AOX1: variants seen among roughly 807,000 people sequenced by gnomAD.
AOX1 encodes aldehyde oxidase.
A neutral mutation model predicts 169.5 loss-of-function variants in AOX1; 153 were observed. The observed-to-expected ratio is 0.90, with a 90% confidence interval of 0.79 to 1.03. AOX1 has a LOEUF of 1.03. Ranked by LOEUF, AOX1 falls within the 50% of genes least tolerant of loss-of-function variation. The pLI is 0.00. For missense variants in AOX1, 1,656 were observed against 1,663.9 expected (o/e 1.00, Z 0.08); for synonymous variants, 562 against 581.9 (o/e 0.97, Z 0.49).
intron 16 of AOX1, among the ~76,000 whole-genome samples, chr2:200,617,197 A>T (rs1323131023): frequency 1.3e-5 from 2 of 151,226 alleles, no homozygotes; most frequent in African/African-American, 4.8e-5. Context: ...AAAGTTTTAG[A>T]TGCAATATGT....
chr2:200,666,815 A>G, intron 32 of AOX1, 63 bp downstream of exon 32: 1 of 1,155,758 alleles, frequency 8.7e-7, no homozygotes, highest in Non-Finnish European at 1.3e-6. Flanking sequence ...TGGGGTCTGC[A>G]GGAGAGCATT....
chr2:200,638,337 T>C (rs2035282968), intron 23 of AOX1, 35 bp downstream of exon 23: 2 of 1,589,290 alleles, frequency 1.3e-6, no homozygotes, highest in Admixed American at 1.7e-5. Context: ...AGGATTTATG[T>C]TGTAGATACA....
chr2:200,591,127 C>T (rs2034163328), intron 1 of AOX1, among the ~76,000 whole-genome samples: 1 of 152,208 alleles, frequency 6.6e-6, no homozygotes. Flanking sequence ...ATGTTCCAGT[C>T]ATTCATTTCA....
intron 2 of AOX1, 62 bp downstream of exon 2, chr2:200,593,265 C>G: frequency 7.9e-7 from 1 of 1,260,242 alleles, no homozygotes; most frequent in Non-Finnish European, 1.2e-6. Flanking sequence ...CCAATATCCT[C>G]ATTAAATGAT....
chr2:200,655,135 G>T (rs2035656716), intron 26 of AOX1, among the ~76,000 whole-genome samples: 1 of 152,204 alleles, frequency 6.6e-6, no homozygotes, highest in African/African-American at 2.4e-5. Flanking sequence ...GAAACAGATT[G>T]CATGGCTATG....
At chr2:200,660,384 A>G (rs1461612025) in intron 29 of AOX1, among the ~76,000 whole-genome samples, 2 of 152,220 alleles carry the variant, frequency 1.3e-5, no homozygotes, top group Admixed American at 6.5e-5. Context: ...ATAACTGTAC[A>G]TCTGTTTTTT....
At chr2:200,662,377 C>A (rs1301791757) in intron 30 of AOX1, among the ~76,000 whole-genome samples, 1 of 152,166 alleles carries the variant, frequency 6.6e-6, no homozygotes, top group Non-Finnish European at 1.5e-5. Context: ...AGGAACAGAG[C>A]AGGCCATGGA....
At chr2:200,644,904 A>G (rs762206025) in intron 25 of AOX1, among the ~76,000 whole-genome samples, 8 of 152,178 alleles carry the variant, frequency 5.3e-5, no homozygotes, top group Non-Finnish European at 1.0e-4. Context: ...TTGTATCCGG[A>G]AACTTTGCTG....
At chr2:200,650,849 A>G (rs2035564962) in intron 25 of AOX1, 125 bp from the exon 26 acceptor site, 2 of 745,966 alleles carry the variant, frequency 2.7e-6, no homozygotes, top group Non-Finnish European at 4.4e-6. Flanking sequence ...GGCTTCCACA[A>G]GGACTCAGTA....
intron 23 of AOX1, 22 bp downstream of exon 23, chr2:200,638,324 G>A: frequency 1.2e-6 from 2 of 1,606,848 alleles, no homozygotes; most frequent in Admixed American, 1.7e-5. Context: ...AGGGCATGGA[G>A]GAAGGATTTA....
chr2:200,667,752 CA>C (rs1377478697), intron 32 of AOX1, among the ~76,000 whole-genome samples: 1 of 148,038 alleles, frequency 6.8e-6, no homozygotes, highest in Non-Finnish European at 1.5e-5. Context: ...TGGGGACTGC[CA>C]GGGGTGGGTG....
chr2:200,643,656 C>T (rs1429745753), intron 25 of AOX1, among the ~76,000 whole-genome samples: 2 of 152,176 alleles, frequency 1.3e-5, no homozygotes, highest in Non-Finnish European at 2.9e-5. Context: ...AGTGGCTGTA[C>T]TAGTTTACAT....
At chr2:200,682,063 A>T (rs555478695), downstream of AOX1, among the ~76,000 whole-genome samples, 18 of 152,320 alleles carry the variant, frequency 1.2e-4, no homozygotes, top group East Asian at 3.5e-3. Context: ...AAAATGGCTT[A>T]AGACTTTAAA....
chr2:200,669,860 C>T lies in AOX1; in HGVS notation c.3966+118C>T, dbSNP rs114231338. 3.6e-3 allele frequency: 3,998 copies of T among 1,106,236 alleles called. 107 individuals carry two copies. The African/African-American group carries it at 0.055, about 15-fold the overall frequency. The allele number at this position is 1,106,236 out of a possible 1,614,324, so 68.5% of individuals were successfully genotyped here. On this transcript the variant is annotated intron_variant, in intron 34 of 34. Transcript: ENST00000374700. ...TGGCTTTTCTTGCCAGAAAAGGTGACGGGAAACCTGGGGGCATTTGAGCAG... is the reference window on the plus strand; with the variant it reads ...TGGCTTTTCTTGCCAGAAAAGGTGATGGGAAACCTGGGGGCATTTGAGCAG...
At chr2:200,648,447 A>G (rs1297711192) in intron 25 of AOX1, among the ~76,000 whole-genome samples, 9 of 152,188 alleles carry the variant, frequency 5.9e-5, no homozygotes, top group Non-Finnish European at 1.0e-4. Flanking sequence ...TGAACCGTCT[A>G]TGGGTCTCTC....
chr2:200,669,450 CAAAA>C, intron 33 of AOX1, 121 bp from the exon 34 acceptor site: 1 of 881,916 alleles, frequency 1.1e-6, no homozygotes, highest in Non-Finnish European at 1.6e-6. Flanking sequence ...GACTCTGTCT[CAAAA>C]AAAAAAAAAT....
rs747470738 is a variant in AOX1 at position 200,636,955 on chromosome 2, G to A, written c.2391G>A (p.Met797Ile). The stretch of plus-strand genomic sequence containing the variant: ...TGAAGCTCCCAGCTAACAAGGTCAT[G>A]TGCCATGTAAGGCGTGTTGGTGGAG... ...STLKLPANKV[M>I]CHVRRVGGAF... Residue 797 changes from methionine (M) to isoleucine (I), a missense_variant, in exon 22 of 35, where the codon ATG becomes ATA. Transcript: ENST00000374700. 2 of 1,614,032 alleles carry A rather than the reference G, an allele frequency of 1.2e-6. No homozygotes were observed. Among genetic ancestry groups the A allele is most frequent in the Non-Finnish European group, 1.7e-6 (2 of 1,180,008 alleles).
rs765302652 is a variant in AOX1 at position 200,608,996 on chromosome 2, G to A, written c.920G>A (p.Gly307Asp). The change falls in exon 11 of 35, where the codon GGT becomes GAT. Residue 307 changes from glycine to aspartate, a missense_variant. Gly to Asp is a moderately conservative substitution (Grantham distance 94, BLOSUM62 -1). Coordinates refer to ENST00000374700, the MANE Select transcript of AOX1 (RefSeq NM_001159.4). Reference sequence around the variant, plus strand: ...GACTTCATTTCAGGACTCACCCTTGGTGCTGGTCTCAGCCTAGCCCAGGTG... The same window carrying A: ...GACTTCATTTCAGGACTCACCCTTGATGCTGGTCTCAGCCTAGCCCAGGTG... ...VNHAYNGLTL[G>D]AGLSLAQVKD... 6.2e-7 allele frequency: 1 copy of A among 1,613,810 alleles called. No individual in the cohort carries two copies. Among genetic ancestry groups the A allele is most frequent in the Non-Finnish European group, 8.5e-7 (1 of 1,179,914 alleles).
chr2:200,670,819 G>A lies in AOX1; in HGVS notation c.*140G>A, dbSNP rs1021794857. On this transcript the variant is annotated 3_prime_UTR_variant, in exon 35 of 35. Transcript: ENST00000374700. ...CATCCCACAGTGTTGCTTTTCTATG[G>A]AGCTGATTTAAAGTATTCCATTTAG... 7.9e-6 allele frequency: 5 copies of A among 636,092 alleles called. No homozygotes were observed. The highest frequency in any genetic ancestry group is 2.8e-5 in the Admixed American group (1 of 35,380). The allele number at this position is 636,092 out of a possible 1,614,324, so 39.4% of individuals were successfully genotyped here. A position where few individuals can be genotyped will look rare whatever the true frequency, so the allele number is the denominator to read the frequency against.
Sources: gnomAD v4.1 joint callset for allele counts (sites outside exome capture counted in the v4.1 genomes callset) on GRCh38, gnomAD v4.1.1 for gene constraint, MANE v1.5 for transcripts, NCBI Gene and HGNC (gene_info 2026-07-23, HGNC 2026-07-21) for gene names.